The following PDE6B variants were observed in gnomAD, a reference collection of about 807,000 sequenced individuals.
The protein encoded by PDE6B is rod cGMP-specific 3',5'-cyclic phosphodiesterase subunit beta.
PDE6B carries 106 observed loss-of-function variants against 109.0 expected under a neutral mutation model. That is an observed-to-expected ratio of 0.97 (90% confidence interval 0.83 to 1.14). The LOEUF (loss-of-function observed/expected upper bound fraction) is 1.14, where lower values mean the gene tolerates loss of function less well. Among genes scored for constraint, PDE6B ranks in the 50% most tolerant of loss-of-function variants. The probability of loss-of-function intolerance (pLI) is 0.00; values close to 1 mark genes in which losing one functional copy is unlikely to be tolerated. For missense variants in PDE6B, 1,193 were observed against 1,155.6 expected, an observed-to-expected ratio of 1.03 and a Z score of -0.47; for synonymous variants, 490 against 471.3, an observed-to-expected ratio of 1.04 and a Z score of -0.51.
chr4:634,096 C>T (rs1039350493), intron 1 of PDE6B, among the ~76,000 whole-genome samples: 6 of 151,944 alleles, frequency 3.9e-5, no homozygotes, highest in African/African-American at 1.4e-4. Flanking sequence ...GAGTGTGTGC[C>T]TGGGAGGCCA....
intron 3 of PDE6B, among the ~76,000 whole-genome samples, chr4:649,974 G>C (rs1735416790): frequency 6.6e-6 from 1 of 152,206 alleles, no homozygotes; most frequent in Non-Finnish European, 1.5e-5. Context: ...CTGTCACCCT[G>C]GTTTCACCCT....
At position 625,935 on chromosome 4, in the gene PDE6B, G is replaced by T; in HGVS notation, c.309G>T (p.Val103=). 1.3e-6 allele frequency: 2 copies of T among 1,592,076 alleles called. No homozygotes were observed. Among genetic ancestry groups the T allele is most frequent in the Non-Finnish European group, 1.7e-6 (2 of 1,169,560 alleles). ...SLFMYRQRNG[V]AELATRLFSV... is the part of the protein sequence containing the mutation. ...TCATGTACCGCCAGCGCAACGGCGT[G>T]GCCGAGCTGGCCACCAGGCTTTTCA... Residue 103 remains valine, a synonymous_variant, in exon 1 of 22, where the codon GTG becomes GTT. Transcript: ENST00000496514. The surrounding 1 kb of genome is among the most constrained non-coding windows in gnomAD (Gnocchi z 5.0).
chr4:666,683 C>A lies in PDE6B; in HGVS notation c.2352+69C>A. 1.9e-6 allele frequency: 2 copies of A among 1,058,030 alleles called. No individual in the cohort carries two copies. The highest frequency in any genetic ancestry group is 1.3e-5 in the South Asian group (1 of 79,536). 65.5% of individuals were successfully genotyped at this position (1,058,030 alleles called of 1,614,324 possible). ...CTGGGAGCAGGCAAGGGGGCGCGGG[C>A]TGGAGTCGCGTGGACTCACACGGGC... is the stretch of plus-strand genomic sequence containing the variant. On this transcript the variant is annotated intron_variant, in intron 20 of 21. Coordinates refer to ENST00000496514, the MANE Select transcript of PDE6B (RefSeq NM_000283.4). The surrounding 1 kb of genome is among the most constrained non-coding windows in gnomAD (Gnocchi z 5.6).
Position 653,880 on chromosome 4 carries a change from T to G in PDE6B, c.740T>G (p.Phe247Cys). The G allele has an allele frequency of 1.9e-6, 3 of 1,613,738 alleles. No homozygotes were observed. ...CTGCTGTGGTCGGCCAACAAGGTGT[T>G]TGAGGAGCTGACGGACATCGAGAGG... The part of the protein sequence containing the change: ...QVLLWSANKV[F>C]EELTDIERQF... The change falls in exon 4 of 22, where the codon TTT becomes TGT. Residue 247 changes from phenylalanine (F) to cysteine (C), a missense_variant. Coordinates refer to ENST00000496514, the MANE Select transcript of PDE6B (RefSeq NM_000283.4).
chr4:665,152 G>A lies in PDE6B; in HGVS notation c.2194-103G>A. The A allele has an allele frequency of 2.1e-6, 2 of 937,032 alleles. No individual in the cohort carries two copies. Among genetic ancestry groups the A allele is most frequent in the Admixed American group, 3.7e-5 (2 of 53,358 alleles). 58.0% of individuals were successfully genotyped at this position (937,032 alleles called of 1,614,324 possible). Reference sequence around the variant, plus strand: ...GCCCTGTGTGGTGGGGACCCCGGGGGTCTGGGGCGGAGAAGACCGAGGCTC... The same window carrying A: ...GCCCTGTGTGGTGGGGACCCCGGGGATCTGGGGCGGAGAAGACCGAGGCTC... On this transcript the variant is annotated intron_variant, in intron 18 of 21. Transcript: ENST00000496514. The surrounding 1 kb of genome is among the most constrained non-coding windows in gnomAD (Gnocchi z 4.0).
chr4:640,541 GA>G (rs964493372), intron 3 of PDE6B, among the ~76,000 whole-genome samples: 32 of 149,576 alleles, frequency 2.1e-4, no homozygotes, highest in Admixed American at 1.0e-3. Context: ...TCCATCTTGG[GA>G]AAAAAAAAAT....
At chr4:651,324 G>T (rs1046846448) in intron 3 of PDE6B, among the ~76,000 whole-genome samples, 2 of 152,184 alleles carry the variant, frequency 1.3e-5, no homozygotes, top group East Asian at 3.9e-4. Context: ...GGGTCAGACT[G>T]AATGGGGAGT....
In PDE6B at chr4:648,931, A is replaced by ACTCCTGC. The variant is rs1405540199; in HGVS notation, c.712-4914_712-4908dup. Among the ~76,000 whole-genome samples, 16 of 151,922 alleles carry ACTCCTGC rather than the reference A, an allele frequency of 1.1e-4. No homozygotes were observed. The East Asian group carries it at 2.9e-3, about 28-fold the overall frequency. On this transcript the variant is annotated intron_variant, in intron 3 of 21. Coordinates refer to ENST00000496514, the MANE Select transcript of PDE6B (RefSeq NM_000283.4). The surrounding 1 kb of genome is among the most constrained non-coding windows in gnomAD (Gnocchi z 4.5). The stretch of plus-strand genomic sequence containing the variant: ...GGAGCCTTCTGTCTCTGCAGGTCTG[A>ACTCCTGC]CTCCTGCCTCCTGTGAGGAAGCAGA...
rs1219537044 is a variant in PDE6B, at chr4:662,796, C to T, written c.1832+178C>T. Among the ~76,000 whole-genome samples the T allele has an allele frequency of 6.7e-6, 1 of 150,120 alleles. No homozygotes were observed. The highest frequency in any genetic ancestry group is 2.0e-4 in the East Asian group (1 of 5,096). ...CTTGAGCCCAGGAGTTCGAGACCAG[C>T]CTGGGCAACATGGCAAGAGCTCTCC... On this transcript the variant is annotated intron_variant, in intron 14 of 21. Transcript: ENST00000496514. This position sits in a 1 kb window ranked among gnomAD's most constrained non-coding sequence, Gnocchi z 4.3.
At position 665,261 on chromosome 4, in the gene PDE6B, C is replaced by T; in HGVS notation, c.2200C>T (p.Leu734Phe). ...TGCCTTCCTGTGCCTCCAGGTCGCACTTCTCGTGGCTGCTGAGTTCTGGGA... is the reference window on the plus strand; with the variant it reads ...TGCCTTCCTGTGCCTCCAGGTCGCATTTCTCGTGGCTGCTGAGTTCTGGGA... ...KPWEVQSKVA[L>F]LVAAEFWEQG... Residue 734 changes from leucine to phenylalanine, a missense_variant, in exon 19 of 22, where the codon CTT becomes TTT. Physicochemically the swap from Leu to Phe is conservative, Grantham distance 22 (BLOSUM62 0). Transcript: ENST00000496514. The surrounding 1 kb of genome is among the most constrained non-coding windows in gnomAD (Gnocchi z 4.0). 1.2e-6 allele frequency: 2 copies of T among 1,612,324 alleles called. No homozygotes were observed. Among genetic ancestry groups the T allele is most frequent in the Non-Finnish European group, 1.7e-6 (2 of 1,179,078 alleles).
In PDE6B at chr4:653,440, C is replaced by T. The variant is rs574545486; in HGVS notation, c.712-412C>T. 3.7e-5 allele frequency: 29 copies of T among 786,186 alleles called. No homozygotes were observed. The South Asian group carries it at 5.3e-4, about 14-fold the overall frequency. The allele number at this position is 786,186 out of a possible 1,614,324, so 48.7% of individuals were successfully genotyped here. On this transcript the variant is annotated intron_variant, in intron 3 of 21. Transcript: ENST00000496514. Reference sequence around the variant, plus strand: ...GTCAGCAATGCTTCACTCTCAGACGCTTGGCGGAGGCCACAGGCGGCCTGA... The same window carrying T: ...GTCAGCAATGCTTCACTCTCAGACGTTTGGCGGAGGCCACAGGCGGCCTGA...
intron 3 of PDE6B, among the ~76,000 whole-genome samples, chr4:646,946 T>C (rs1735234915): frequency 6.6e-6 from 1 of 151,832 alleles, no homozygotes; most frequent in South Asian, 2.1e-4. Context: ...CAGCCGCCGC[T>C]TCCTGGGTTC....
rs61739716 is a variant in PDE6B at position 666,551 on chromosome 4, G to A, written c.2289G>A (p.Lys763=). 2.3e-3 allele frequency: 3,677 copies of A among 1,612,894 alleles called. 74 individuals are homozygous for A. The African/African-American group carries it at 0.039, about 17-fold the overall frequency. ...QQPIPMMDRN[K]AAELPKLQVG... ...ACCAGCCTATGATGGACCGGAACAA[G>A]GCGGCCGAGCTCCCCAAGCTGCAAG... The change falls in exon 20 of 22, where the codon AAG becomes AAA. Residue 763 remains lysine, a synonymous_variant. Coordinates refer to ENST00000496514, the MANE Select transcript of PDE6B (RefSeq NM_000283.4). The surrounding 1 kb of genome is among the most constrained non-coding windows in gnomAD (Gnocchi z 5.6).
At position 625,805 on chromosome 4, in the gene PDE6B, T is replaced by C. The variant is rs759667480; in HGVS notation, c.179T>C (p.Leu60Pro). The C allele has an allele frequency of 6.2e-7, 1 of 1,613,160 alleles. No individual in the cohort carries two copies. The highest frequency in any genetic ancestry group is 2.2e-5 in the East Asian group (1 of 44,886). ...LCQVEESTAL[L>P]ELVQDMQESI... ...CAGGTGGAGGAGAGCACGGCGCTGCTGGAGCTGGTGCAGGATATGCAGGAG... is the reference window on the plus strand; with the variant it reads ...CAGGTGGAGGAGAGCACGGCGCTGCCGGAGCTGGTGCAGGATATGCAGGAG... Residue 60 changes from leucine (L) to proline (P), a missense_variant, in exon 1 of 22, where the codon CTG (leucine) becomes CCG (proline). By Grantham distance (98) the Leu-to-Pro change is moderately conservative. Coordinates refer to ENST00000496514, the MANE Select transcript of PDE6B (RefSeq NM_000283.4). The surrounding 1 kb of genome is among the most constrained non-coding windows in gnomAD (Gnocchi z 5.0).
At chr4:630,304 C>G (rs2109123818) in intron 1 of PDE6B, among the ~76,000 whole-genome samples, 1 of 152,174 alleles carries the variant, frequency 6.6e-6, no homozygotes, top group African/African-American at 2.4e-5. Context: ...GGCTGCTGGG[C>G]CACGAGGGGC....
intron 3 of PDE6B, among the ~76,000 whole-genome samples, chr4:644,973 C>T (rs1026366484): frequency 3.3e-5 from 5 of 152,116 alleles, no homozygotes; most frequent in East Asian, 1.9e-4. Flanking sequence ...TCATGTGTTT[C>T]GAAGCTTTGT....
intron 3 of PDE6B, chr4:652,222 G>C (rs1735644037): frequency 6.5e-6 from 1 of 153,100 alleles, no homozygotes; most frequent in East Asian, 1.9e-4. Flanking sequence ...AGGGGGGCCG[G>C]GCCTCAGCAG....
At chr4:651,704 G>GCCGT (rs1735573005) in intron 3 of PDE6B, 1 of 150,724 alleles carries the variant, frequency 6.6e-6, no homozygotes, top group South Asian at 2.1e-4. Context: ...GCTATGAAGA[G>GCCGT]CCGTCTCCAT....
intron 3 of PDE6B, among the ~76,000 whole-genome samples, chr4:645,222 T>G (rs1420876666): frequency 6.6e-6 from 1 of 151,976 alleles, no homozygotes; most frequent in Non-Finnish European, 1.5e-5. Context: ...ACAACATATA[T>G]AGGGTCAGGT....
Sources: gnomAD v4.1 joint callset for allele counts (sites outside exome capture counted in the v4.1 genomes callset) on GRCh38, gnomAD v4.1.1 for gene constraint, Gnocchi (gnomAD v3.1) non-coding constraint, MANE v1.5 for transcripts, NCBI Gene and HGNC (gene_info 2026-07-23, HGNC 2026-07-21) for gene names.